XCR1: variants seen among roughly 807,000 people sequenced by gnomAD.
XCR1 encodes the protein chemokine XC receptor 1.
For synonymous variants in XCR1, 187 were observed against 188.5 expected (o/e 0.99, Z 0.06); for missense variants, 356 against 424.2 (o/e 0.84, Z 1.41).
chr3:46,061,599 C>A lies in XCR1; in HGVS notation c.-183+5300G>T, dbSNP rs531955180. ...TGTTGCTCAACTTCCTTGCTGAGAA[C>A]CTTTGGGCTGAAGCATGGCTTCCAA... is the stretch of plus-strand genomic sequence containing the variant. On this transcript the variant is annotated intron_variant, in intron 4 of 5. Transcript: ENST00000683768. 3.3e-4 allele frequency among the ~76,000 whole-genome samples: 51 copies of A among 152,302 alleles called. 2 individuals are homozygous for A. In the South Asian group the frequency reaches 9.9e-3, roughly 30 times the overall value.
At chr3:46,079,212 T>C (rs1698315280) in intron 1 of XCR1, among the ~76,000 whole-genome samples, 2 of 152,178 alleles carry the variant, frequency 1.3e-5, no homozygotes, top group Non-Finnish European at 2.9e-5. Context: ...TGTACAACAC[T>C]TATGAGACAT....
intron 3 of XCR1, among the ~76,000 whole-genome samples, chr3:46,068,902 C>T (rs1202688666): frequency 6.6e-6 from 1 of 152,026 alleles, no homozygotes; most frequent in Non-Finnish European, 1.5e-5. Flanking sequence ...AGCATGAAAT[C>T]AACAGCTGAA....
At chr3:46,084,512 A>G (rs1337063959) in intron 1 of XCR1, among the ~76,000 whole-genome samples, 1 of 152,234 alleles carries the variant, frequency 6.6e-6, no homozygotes. Flanking sequence ...ACTGGACGCC[A>G]TAACTCATAT....
chr3:46,051,643 T>A (rs1399380666), intron 5 of XCR1, among the ~76,000 whole-genome samples: 2 of 152,254 alleles, frequency 1.3e-5, no homozygotes, highest in Admixed American at 6.5e-5. Context: ...TTTCTCCTTT[T>A]GTGGAGAAGG....
chr3:46,083,803 A>C (rs1559498377), intron 1 of XCR1, among the ~76,000 whole-genome samples: 1 of 152,218 alleles, frequency 6.6e-6, no homozygotes, highest in Non-Finnish European at 1.5e-5. Flanking sequence ...AGTATTTCCC[A>C]TGAAGTAGAA....
At chr3:46,061,163 T>C (rs2125901028) in intron 4 of XCR1, among the ~76,000 whole-genome samples, 1 of 152,320 alleles carries the variant, frequency 6.6e-6, no homozygotes, top group South Asian at 2.1e-4. Flanking sequence ...AGTAAGTGTC[T>C]ATTCCAGTAA....
At position 46,042,868 on chromosome 3, in the gene XCR1, A is replaced by G. The variant is rs376847143; in HGVS notation, c.-32+11052T>C. On this transcript the variant is annotated intron_variant, in intron 5 of 5. Coordinates refer to the XCR1 transcript ENST00000683768. ...ATACCAAAGCCAAAGACACTACAAG[A>G]AAAGAAAACTGAAGTCCAATATCCT... Among the ~76,000 whole-genome samples the G allele has an allele frequency of 2.0e-5, 3 of 152,358 alleles. No homozygotes were observed. In the South Asian group the frequency reaches 6.2e-4, roughly 32 times the overall value.
chr3:46,085,280 A>G (rs1378701501), intron 1 of XCR1, among the ~76,000 whole-genome samples: 11 of 152,000 alleles, frequency 7.2e-5, no homozygotes, highest in African/African-American at 2.7e-4. Context: ...AGAGGCAGGT[A>G]CTAATGTGAT....
Position 46,021,545 on chromosome 3 carries a change from G to C in XCR1, c.403C>G (p.Leu135Val). The C allele has an allele frequency of 6.2e-7, 1 of 1,611,000 alleles. No individual in the cohort carries two copies. The highest frequency in any genetic ancestry group is 8.5e-7 in the Non-Finnish European group (1 of 1,178,398). Residue 135 changes from leucine (L) to valine (V), a missense_variant, in exon 2 of 2, where the codon CTC (leucine) becomes GTC (valine). Transcript: ENST00000309285. This position sits in a 1 kb window ranked among gnomAD's most constrained non-coding sequence, Gnocchi z 4.7. ...IHRYLSVVSP[L>V]STLRVPTLRC... ...AGGGTGGGGACGCGCAGGGTGGAGA[G>C]GGGGCTCACTACCGACAGGTAGCGG...
intron 5 of XCR1, among the ~76,000 whole-genome samples, chr3:46,046,197 C>T (rs887981113): frequency 9.2e-5 from 14 of 151,994 alleles, no homozygotes; most frequent in Non-Finnish European, 1.3e-4. Context: ...AGGGGGCGAA[C>T]GCAGGAATAA....
chr3:46,051,517 A>G (rs1050463304), intron 5 of XCR1, among the ~76,000 whole-genome samples: 3 of 152,228 alleles, frequency 2.0e-5, no homozygotes, highest in African/African-American at 7.2e-5. Context: ...CATATCCATA[A>G]GCCCATAAAA....
In XCR1 at chr3:46,035,960, C is replaced by T. The variant is rs555763090; in HGVS notation, c.-31-13982G>A. ...TTGTTTGCAGGTTGATTAAGCCCAA[C>T]CAGTGGAGAGAGGAAGGACCCCGGC... On this transcript the variant is annotated intron_variant, in intron 5 of 5. Transcript: ENST00000683768. 3.3e-5 allele frequency among the ~76,000 whole-genome samples: 5 copies of T among 152,276 alleles called. No individual in the cohort carries two copies. The South Asian group carries it at 1.0e-3, about 32-fold the overall frequency.
intron 5 of XCR1, among the ~76,000 whole-genome samples, chr3:46,033,319 A>C (rs1417858937): frequency 1.3e-5 from 2 of 152,174 alleles, no homozygotes; most frequent in Non-Finnish European, 2.9e-5. Context: ...GTACATTTGC[A>C]TTTTGCATTT....
rs199759166 is a variant in XCR1, at chr3:46,018,724, C to T, written c.*2222G>A. 1 of 152,196 alleles carries T rather than the reference C, an allele frequency of 6.6e-6. No homozygotes were observed. Among genetic ancestry groups the T allele is most frequent in the East Asian group, 1.9e-4 (1 of 5,200 alleles). The allele number at this position is 152,196 out of a possible 1,614,324, so 9.4% of individuals were successfully genotyped here. ...TCTACTGCCCCATTGGCAAATAGAT[C>T]ATTGAAGTTGCATCTGGAACTGAAG... On this transcript the variant is annotated 3_prime_UTR_variant, in exon 2 of 2. Coordinates refer to ENST00000309285, the MANE Select transcript of XCR1 (RefSeq NM_001024644.2).
chr3:46,053,237 T>C (rs1476462372), intron 5 of XCR1, among the ~76,000 whole-genome samples: 1 of 152,052 alleles, frequency 6.6e-6, no homozygotes, highest in African/African-American at 2.4e-5. Flanking sequence ...CACACTCGCT[T>C]TTAATTCCTT....
chr3:46,031,038 G>T (rs937946103), upstream of XCR1, among the ~76,000 whole-genome samples: 2 of 152,250 alleles, frequency 1.3e-5, no homozygotes, highest in South Asian at 4.1e-4. Flanking sequence ...GAGAGGAGGT[G>T]TGGCTGGGGC....
At chr3:46,065,155 A>G (rs919216750) in intron 4 of XCR1, among the ~76,000 whole-genome samples, 2 of 152,212 alleles carry the variant, frequency 1.3e-5, no homozygotes, top group Admixed American at 6.5e-5. Context: ...GCTCTACTCA[A>G]CTTTCTGGGT....
chr3:46,020,746 C>T lies in XCR1; in HGVS notation c.*200G>A. 1.5e-6 allele frequency: 1 copy of T among 684,168 alleles called. No individual in the cohort carries two copies. Among genetic ancestry groups the T allele is most frequent in the Non-Finnish European group, 2.3e-6 (1 of 426,566 alleles). 42.4% of individuals were successfully genotyped at this position (684,168 alleles called of 1,614,324 possible). On this transcript the variant is annotated 3_prime_UTR_variant, in exon 2 of 2. Transcript: ENST00000309285. Reference sequence around the variant, plus strand: ...TTTTTTGGATGGCAGTATAAAATTCCCAGGTAGGAAGCCACTTTCCCGCAG... The same window carrying T: ...TTTTTTGGATGGCAGTATAAAATTCTCAGGTAGGAAGCCACTTTCCCGCAG...
intron 4 of XCR1, among the ~76,000 whole-genome samples, chr3:46,060,730 C>A (rs188503404): frequency 1.1e-4 from 16 of 152,130 alleles, no homozygotes; most frequent in African/African-American, 3.9e-4. Context: ...ATTCCTGGAC[C>A]GGTGACTCCT....
Sources: gnomAD v4.1 joint callset for allele counts (sites outside exome capture counted in the v4.1 genomes callset) on GRCh38, gnomAD v4.1.1 for gene constraint, Gnocchi (gnomAD v3.1) non-coding constraint, MANE v1.5 for transcripts, NCBI Gene and HGNC (gene_info 2026-07-23, HGNC 2026-07-21) for gene names.